ARB2A: variants seen among roughly 807,000 people sequenced by gnomAD.
The protein encoded by ARB2A is cotranscriptional regulator ARB2A.
chr5:93,959,024 T>A, the ARB2A span: 2 of 1,218,486 alleles, frequency 1.6e-6, no homozygotes, highest in Admixed American at 2.9e-5. Flanking sequence ...GGCATACACA[T>A]AAATGAAAAA....
the ARB2A span, among the ~76,000 whole-genome samples, chr5:93,901,602 A>G: frequency 6.6e-6 from 1 of 152,144 alleles, no homozygotes; most frequent in Non-Finnish European, 1.5e-5. Context: ...TTTCAATTGC[A>G]ATAATCCTCC....
At chr5:94,079,543 G>A in the ARB2A span, among the ~76,000 whole-genome samples, 222 of 152,238 alleles carry the variant, frequency 1.5e-3, 6 homozygotes, top group East Asian at 0.04. Flanking sequence ...ATTCTACCAT[G>A]TTGATACAGC....
the ARB2A span, among the ~76,000 whole-genome samples, chr5:93,727,542 T>C: frequency 6.6e-6 from 1 of 151,988 alleles, no homozygotes; most frequent in African/African-American, 2.4e-5. Context: ...TTCCAACATA[T>C]TTAACTTTTA....
the ARB2A span, among the ~76,000 whole-genome samples, chr5:93,761,918 C>A: frequency 6.6e-6 from 1 of 152,336 alleles, no homozygotes; most frequent in East Asian, 1.9e-4. Flanking sequence ...TGTTCTGCAG[C>A]CTCTGCTGCT....
the ARB2A span, among the ~76,000 whole-genome samples, chr5:93,823,139 A>T: frequency 6.6e-6 from 1 of 152,294 alleles, no homozygotes; most frequent in South Asian, 2.1e-4. Flanking sequence ...TATCAAATTA[A>T]CTATTTTATG....
the ARB2A span, among the ~76,000 whole-genome samples, chr5:93,763,372 A>G: frequency 6.6e-6 from 1 of 152,164 alleles, no homozygotes; most frequent in Non-Finnish European, 1.5e-5. Context: ...CAAATGGAAA[A>G]CAAAAAAAGG....
At chr5:93,913,097 C>T in the ARB2A span, among the ~76,000 whole-genome samples, 2 of 151,700 alleles carry the variant, frequency 1.3e-5, no homozygotes, top group Non-Finnish European at 2.9e-5. Context: ...CTCTGTACTT[C>T]TGGTGCTAAG....
the ARB2A span, among the ~76,000 whole-genome samples, chr5:93,665,884 T>C: frequency 1.3e-5 from 2 of 152,176 alleles, no homozygotes; most frequent in African/African-American, 4.8e-5. Flanking sequence ...GAATCAACTT[T>C]CTCTGCAGCA....
chr5:94,097,553 T>A, the ARB2A span, among the ~76,000 whole-genome samples: 5,027 of 152,190 alleles, frequency 0.033, 117 homozygotes, highest in Middle Eastern at 0.065. Flanking sequence ...AATGGGAGTT[T>A]CCCCACGCAA....
chr5:93,617,817 G>A, the ARB2A span, among the ~76,000 whole-genome samples: 1 of 152,108 alleles, frequency 6.6e-6, no homozygotes, highest in Non-Finnish European at 1.5e-5. Flanking sequence ...TCCTTGCTAA[G>A]GAGATATTTT....
chr5:94,016,719 T>C, the ARB2A span, among the ~76,000 whole-genome samples: 1 of 152,320 alleles, frequency 6.6e-6, no homozygotes, highest in Non-Finnish European at 1.5e-5. Flanking sequence ...AACCTTACTA[T>C]TACAAAATCA....
the ARB2A span, chr5:93,743,344 A>T: frequency 6.2e-6 from 1 of 160,770 alleles, no homozygotes; most frequent in Non-Finnish European, 1.3e-5. Context: ...CTATACCTGG[A>T]ACATGGAAGG....
At chr5:93,767,003 C>T in the ARB2A span, among the ~76,000 whole-genome samples, 4 of 135,616 alleles carry the variant, frequency 2.9e-5, no homozygotes, top group East Asian at 6.4e-4. Flanking sequence ...AACACATGGA[C>T]ACAGGAAGGG....
the ARB2A span, among the ~76,000 whole-genome samples, chr5:93,621,852 A>G: frequency 1.3e-5 from 2 of 152,280 alleles, no homozygotes; most frequent in East Asian, 3.9e-4. Flanking sequence ...GCAAATTTAG[A>G]ACAGCTAAAA....
chr5:93,620,983 C>A, the ARB2A span: 3 of 1,602,962 alleles, frequency 1.9e-6, no homozygotes, highest in Non-Finnish European at 1.7e-6. Flanking sequence ...CGCGCTCGCT[C>A]CTCTTACAGC....
the ARB2A span, among the ~76,000 whole-genome samples, chr5:93,929,917 G>T: frequency 6.6e-6 from 1 of 152,148 alleles, no homozygotes; most frequent in Non-Finnish European, 1.5e-5. Context: ...CACATTGTCA[G>T]AGACAGCTGC....
At chr5:93,848,171 T>C in the ARB2A span, among the ~76,000 whole-genome samples, 42 of 152,078 alleles carry the variant, frequency 2.8e-4, 1 homozygote, top group African/African-American at 9.9e-4. Context: ...GATCACAAGG[T>C]CAAGAGATTG....
At chr5:93,760,610 CA>C in the ARB2A span, among the ~76,000 whole-genome samples, 73 of 152,230 alleles carry the variant, frequency 4.8e-4, 2 homozygotes, top group Admixed American at 3.1e-3. Flanking sequence ...TACTTACAGC[CA>C]ACTGATCTTT....
the ARB2A span, among the ~76,000 whole-genome samples, chr5:93,702,809 T>A: frequency 6.6e-6 from 1 of 152,190 alleles, no homozygotes; most frequent in African/African-American, 2.4e-5. Flanking sequence ...TTATACATAT[T>A]TTTGTTAAAG....
Sources: allele counts gnomAD v4.1 joint callset (sites outside exome capture counted in the v4.1 genomes callset), GRCh38; gene constraint gnomAD v4.1.1; transcripts MANE v1.5; gene names NCBI Gene and HGNC (gene_info 2026-07-23, HGNC 2026-07-21).